Variants in PPIG observed in about 807,000 individuals in gnomAD.
PPIG encodes peptidyl-prolyl cis-trans isomerase G.
Under a neutral mutation model 87.9 loss-of-function variants are expected in PPIG, and 26 were observed. The observed-to-expected ratio is 0.30, with a 90% CI of 0.22 to 0.41. The LOEUF (loss-of-function observed/expected upper bound fraction) is 0.41. Among genes scored for constraint, PPIG ranks in the 10% least tolerant of loss-of-function variants. The pLI is 1.00. For missense variants in PPIG, 722 were observed against 879.4 expected, an observed-to-expected ratio of 0.82 and a Z score of 2.26; for synonymous variants, 308 against 276.5, an observed-to-expected ratio of 1.11 and a Z score of -1.13.
Position 169,636,496 on chromosome 2 carries a change from C to T in PPIG, c.1238C>T (p.Ser413Phe), listed in dbSNP as rs769596706. 2.5e-6 allele frequency: 4 copies of T among 1,606,636 alleles called. No homozygotes were observed. The East Asian group carries it at 8.9e-5, about 36-fold the overall frequency. ...ERKITDHRNV[S>F]ESPNRKNEKE... is the part of the protein sequence containing the mutation. Reference sequence around the variant, plus strand: ...AAAATAACAGATCACAGGAATGTATCTGAGAGTCCAAACAGAAAAAATGAA... The same window carrying T: ...AAAATAACAGATCACAGGAATGTATTTGAGAGTCCAAACAGAAAAAATGAA... Residue 413 changes from serine (S) to phenylalanine (F), a missense_variant, in exon 14 of 14, where the codon TCT (serine) becomes TTT (phenylalanine). Around this residue, in one of 4 missense-constraint regions of PPIG, gnomAD observed 476 missense variants for 483.1 expected, o/e 0.99. Transcript: ENST00000260970.
chr2:169,608,545 C>G, intron 6 of PPIG, 126 bp from the exon 7 acceptor site: 1 of 527,972 alleles, frequency 1.9e-6, no homozygotes, highest in Non-Finnish European at 3.5e-6. Context: ...CTTTCATAAC[C>G]TAACTTTATT....
intron 7 of PPIG, among the ~76,000 whole-genome samples, chr2:169,611,870 T>G (rs1685497375): frequency 6.6e-6 from 1 of 152,178 alleles, no homozygotes; most frequent in South Asian, 2.1e-4. Flanking sequence ...AACTTCAATT[T>G]TTAGAGAGCT....
rs148159499 is a variant in PPIG, at chr2:169,606,058, A to G, written c.156A>G (p.Lys52=). ...CTATAGGTGAAAAGGGGACCGGGAA[A>G]TCAACTCAGAAACCATTACATTATA... is the stretch of plus-strand genomic sequence containing the variant. ...CLCTGEKGTG[K]STQKPLHYKS... The change falls in exon 5 of 14, where the codon AAA becomes AAG. Residue 52 remains lysine, a synonymous_variant. Coordinates refer to ENST00000260970, the MANE Select transcript of PPIG (RefSeq NM_004792.3). 1.2e-6 allele frequency: 2 copies of G among 1,612,004 alleles called. No homozygotes were observed. The highest frequency in any genetic ancestry group is 1.3e-5 in the African/African-American group (1 of 74,880).
At chr2:169,630,631 C>A (rs544435944) in intron 9 of PPIG, 143 bp from the exon 10 acceptor site, 300 of 680,116 alleles carry the variant, frequency 4.4e-4, no homozygotes, top group Non-Finnish European at 6.4e-4. Context: ...GTCTTGACTC[C>A]TTTCCTGTAC....
intron 9 of PPIG, among the ~76,000 whole-genome samples, chr2:169,628,213 C>T (rs1368590428): frequency 2.0e-5 from 3 of 152,116 alleles, no homozygotes; most frequent in Admixed American, 6.5e-5. Context: ...AGCATAGAGG[C>T]ACTGTCATGA....
chr2:169,594,926 T>C (rs1684978838), intron 1 of PPIG, among the ~76,000 whole-genome samples: 1 of 151,492 alleles, frequency 6.6e-6, no homozygotes, highest in African/African-American at 2.4e-5. Context: ...CTGGCAGTTT[T>C]ATTTTATTTT....
At chr2:169,585,030 C>G (rs1214035003) in intron 1 of PPIG, 1 of 159,836 alleles carries the variant, frequency 6.3e-6, no homozygotes, top group Non-Finnish European at 1.4e-5. Flanking sequence ...CTCTTTCGAC[C>G]TTTTCCTCTC....
In PPIG at chr2:169,639,325, T is replaced by C. The variant is rs1169544886; in HGVS notation, c.*1802T>C. 2 of 152,134 alleles carry C rather than the reference T, an allele frequency of 1.3e-5. No individual in the cohort carries two copies. The allele number at this position is 152,134 out of a possible 1,614,324, so 9.4% of individuals were successfully genotyped here. ...TTAAGCAAGTTATTGTTTGTCTTAA[T>C]TTCAGTTAACTGCATTTTAAAATTG... On this transcript the variant is annotated 3_prime_UTR_variant, in exon 14 of 14. Transcript: ENST00000260970.
At chr2:169,592,380 C>A (rs1242590876) in intron 1 of PPIG, among the ~76,000 whole-genome samples, 1 of 146,652 alleles carries the variant, frequency 6.8e-6, no homozygotes, top group African/African-American at 2.5e-5. Context: ...ACTCTGCTCA[C>A]TGCAAGCTCC....
At position 169,631,929 on chromosome 2, in the gene PPIG, G is replaced by A; in HGVS notation, c.925G>A (p.Glu309Lys). ...RKNRERERER[E>K]CNPPNSQPAS... ...AAACAGAGAGAGAGAAAGGGAAAGA[G>A]AGTGGTATGTGAATATGTATATTTT... Residue 309 changes from glutamate (E) to lysine (K), a missense_variant, in exon 11 of 14, where the codon GAG (glutamate) becomes AAG (lysine). Transcript: ENST00000260970. 1 of 1,596,606 alleles carries A rather than the reference G, an allele frequency of 6.3e-7. No homozygotes were observed.
intron 1 of PPIG, among the ~76,000 whole-genome samples, chr2:169,585,773 A>G (rs1684686546): frequency 6.6e-6 from 1 of 152,214 alleles, no homozygotes; most frequent in Non-Finnish European, 1.5e-5. Context: ...TGTCCAAAGA[A>G]CAATTAGATG....
intron 9 of PPIG, among the ~76,000 whole-genome samples, chr2:169,628,027 AG>A: frequency 6.6e-6 from 1 of 152,026 alleles, no homozygotes; most frequent in Admixed American, 6.6e-5. Context: ...AGCATATATA[AG>A]TAGATTTTTC....
intron 9 of PPIG, among the ~76,000 whole-genome samples, chr2:169,619,397 A>T (rs1002075882): frequency 6.6e-6 from 1 of 152,216 alleles, no homozygotes; most frequent in African/African-American, 2.4e-5. Flanking sequence ...CACTTGGACC[A>T]GAGCTGAGTT....
chr2:169,597,642 C>T lies in PPIG; in HGVS notation c.-69-6000C>T, dbSNP rs562243004. Among the ~76,000 whole-genome samples, 111 of 151,900 alleles carry T rather than the reference C, an allele frequency of 7.3e-4. No individual in the cohort carries two copies. In the South Asian group the frequency reaches 0.022, roughly 30 times the overall value. ...CCTCCCGAGTAGCTGGGACTACAGG[C>T]GTGCGCCACCACATCCAGCTAATTA... On this transcript the variant is annotated intron_variant, in intron 1 of 13. Coordinates refer to ENST00000260970, the MANE Select transcript of PPIG (RefSeq NM_004792.3).
intron 7 of PPIG, among the ~76,000 whole-genome samples, chr2:169,611,258 GA>G (rs536072151): frequency 6.6e-6 from 1 of 152,002 alleles, no homozygotes; most frequent in Non-Finnish European, 1.5e-5. Context: ...AAAAAAGAAA[GA>G]AAACACAGAT....
chr2:169,595,417 C>T (rs1420907070), intron 1 of PPIG, among the ~76,000 whole-genome samples: 1 of 152,172 alleles, frequency 6.6e-6, no homozygotes, highest in Non-Finnish European at 1.5e-5. Flanking sequence ...TACAAACAAT[C>T]CAGTTATACT....
chr2:169,587,903 C>A (rs1684750054), intron 1 of PPIG, among the ~76,000 whole-genome samples: 1 of 152,076 alleles, frequency 6.6e-6, no homozygotes. Flanking sequence ...CACCTGAAAT[C>A]CCAGCACTTT....
chr2:169,636,603 A>C lies in PPIG; in HGVS notation c.1345A>C (p.Lys449Gln). The C allele has an allele frequency of 1.9e-6, 3 of 1,595,822 alleles. No homozygotes were observed. In the South Asian group the frequency reaches 3.5e-5, roughly 19 times the overall value. Residue 449 changes from lysine to glutamine, a missense_variant, in exon 14 of 14, where the codon AAA becomes CAA. Around this residue, in one of 4 missense-constraint regions of PPIG, gnomAD observed 476 missense variants for 483.1 expected, o/e 0.99. Coordinates refer to ENST00000260970, the MANE Select transcript of PPIG (RefSeq NM_004792.3). ...RRNSEKDDKY[K>Q]NKVKKRAKSK... ...AAATTCAGAAAAAGATGACAAGTAT[A>C]AAAACAAAGTGAAGAAAAGGGCCAA...
Position 169,638,743 on chromosome 2 carries a change from A to G in PPIG, c.*1220A>G, listed in dbSNP as rs1209191003. ...TTGATAGTTTACAGAGTTAAACACT[A>G]AACATATCCAAAGTCCATTTAGAGT... On this transcript the variant is annotated 3_prime_UTR_variant, in exon 14 of 14. Coordinates refer to ENST00000260970, the MANE Select transcript of PPIG (RefSeq NM_004792.3). 2 of 152,062 alleles carry G rather than the reference A, an allele frequency of 1.3e-5. No individual in the cohort carries two copies. Among genetic ancestry groups the G allele is most frequent in the Non-Finnish European group, 2.9e-5 (2 of 67,920 alleles). The allele number at this position is 152,062 out of a possible 1,614,324, so 9.4% of individuals were successfully genotyped here. A position where few individuals can be genotyped will look rare whatever the true frequency, so the allele number is the denominator to read the frequency against.
Sources: gnomAD v4.1 joint callset for allele counts (sites outside exome capture counted in the v4.1 genomes callset) on GRCh38, gnomAD v4.1.1 for gene constraint, gnomAD v4.1.1 regional missense constraint, MANE v1.5 for transcripts, NCBI Gene and HGNC (gene_info 2026-07-23, HGNC 2026-07-21) for gene names.